The following DZIP1 variants were observed in gnomAD, a reference collection of about 807,000 sequenced individuals.
DZIP1 encodes the protein DAZ interacting zinc finger protein 1.
A neutral mutation model predicts 107.6 loss-of-function variants in DZIP1; 97 were observed. That is an observed-to-expected ratio of 0.90 (90% CI 0.77 to 1.07). DZIP1 has a LOEUF of 1.07. DZIP1 is among the 50% of genes least tolerant of loss of function. The probability of loss-of-function intolerance (pLI) is 0.00; values close to 1 mark genes in which losing one functional copy is unlikely to be tolerated. For synonymous variants in DZIP1, 390 were observed against 386.4 expected, an observed-to-expected ratio of 1.01 and a Z score of -0.11; for missense variants, 1,035 against 1,063.6, an observed-to-expected ratio of 0.97 and a Z score of 0.37.
intron 7 of DZIP1, among the ~76,000 whole-genome samples, chr13:95,626,920 T>C (rs922083090): frequency 9.2e-5 from 14 of 152,220 alleles, no homozygotes; most frequent in African/African-American, 3.1e-4. Context: ...AGATTTAATA[T>C]GGTTAAAATG....
chr13:95,588,754 G>A (rs139344908), intron 19 of DZIP1, among the ~76,000 whole-genome samples: 65 of 152,254 alleles, frequency 4.3e-4, no homozygotes, highest in Non-Finnish European at 8.5e-4. Context: ...ATCTACTAGG[G>A]TCAGTATTAA....
rs1228439062 is a variant in DZIP1 at position 95,589,811 on chromosome 13, A to C, written c.1965T>G (p.Ser655=). 1 of 1,613,540 alleles carries C rather than the reference A, an allele frequency of 6.2e-7. No homozygotes were observed. Among genetic ancestry groups the C allele is most frequent in the African/African-American group, 1.3e-5 (1 of 74,940 alleles). ...AGGGCTGAAATACTCACTTTGGAAC[A>C]GATGTCCTATCAGTAGAAACAGCTT... is the stretch of plus-strand genomic sequence containing the variant. ...RQKAVSTDRT[S]VPKIKKNVME... is the part of the protein sequence containing the mutation. Residue 655 remains serine, a synonymous_variant, in exon 18 of 23, where the codon TCT becomes TCG. Transcript: ENST00000376829.
chr13:95,600,777 G>C (rs889782331), intron 14 of DZIP1, among the ~76,000 whole-genome samples: 1 of 152,124 alleles, frequency 6.6e-6, no homozygotes, highest in Non-Finnish European at 1.5e-5. Flanking sequence ...TACAGCCTAT[G>C]ACTGAGTAAA....
At chr13:95,604,548 G>T (rs998000316) in intron 14 of DZIP1, among the ~76,000 whole-genome samples, 1 of 152,210 alleles carries the variant, frequency 6.6e-6, no homozygotes, top group East Asian at 1.9e-4. Flanking sequence ...GATTCATGCA[G>T]CTCTGGGCTA....
At chr13:95,622,953 C>A (rs768521846) in intron 8 of DZIP1, among the ~76,000 whole-genome samples, 14 of 151,982 alleles carry the variant, frequency 9.2e-5, no homozygotes, top group Non-Finnish European at 1.0e-4. Flanking sequence ...CCATGTTGCC[C>A]AGGCTGGTCT....
At chr13:95,582,674 G>A (rs559168915) in intron 22 of DZIP1, among the ~76,000 whole-genome samples, 1 of 152,324 alleles carries the variant, frequency 6.6e-6, no homozygotes, top group East Asian at 1.9e-4. Context: ...TGAGTGAATA[G>A]ATGGTAAAGA....
Position 95,641,797 on chromosome 13 carries a change from G to A in DZIP1, c.95C>T (p.Ala32Val), listed in dbSNP as rs776252639. The change falls in exon 5 of 23, where the codon GCT becomes GTT. Residue 32 changes from alanine (A) to valine (V), a missense_variant. Transcript: ENST00000376829. This position sits in a 1 kb window ranked among gnomAD's most constrained non-coding sequence, Gnocchi z 4.3. Reference sequence around the variant, plus strand: ...CGCACCCGCGGCGGCGGCGGCCACAGCGACGTCGGGCCCCTCTGGGCCGCT... The same window carrying A: ...CGCACCCGCGGCGGCGGCGGCCACAACGACGTCGGGCCCCTCTGGGCCGCT... ...LASGPEGPDVAVAAAAAGAAS... is the reference protein window; with the variant it reads ...LASGPEGPDVVVAAAAAGAAS... 1.3e-6 allele frequency: 2 copies of A among 1,498,888 alleles called. No homozygotes were observed. Among genetic ancestry groups the A allele is most frequent in the Admixed American group, 4.8e-5 (2 of 41,900 alleles). 92.8% of individuals were successfully genotyped at this position (1,498,888 alleles called of 1,614,324 possible). A position where few individuals can be genotyped will look rare whatever the true frequency, so the allele number is the denominator to read the frequency against.
chr13:95,600,574 G>GAGAT (rs56331221), intron 14 of DZIP1, among the ~76,000 whole-genome samples: 1 of 147,486 alleles, frequency 6.8e-6, no homozygotes, highest in Non-Finnish European at 1.5e-5. Flanking sequence ...AGAGATGATA[G>GAGAT]AGATAGATAG....
intron 7 of DZIP1, 59 bp downstream of exon 7, chr13:95,629,930 C>A (rs1876994121): frequency 2.0e-6 from 3 of 1,510,688 alleles, no homozygotes; most frequent in South Asian, 1.3e-5. Flanking sequence ...GAGTCCATGG[C>A]ATAATTGAAT....
chr13:95,616,469 AC>A (rs1875085468), intron 10 of DZIP1, among the ~76,000 whole-genome samples: 1 of 152,248 alleles, frequency 6.6e-6, no homozygotes, highest in South Asian at 2.1e-4. Context: ...TGCTGGGCAG[AC>A]AATGGAGAGC....
At position 95,641,761 on chromosome 13, in the gene DZIP1, G is replaced by A. The variant is rs1297574650; in HGVS notation, c.131C>T (p.Ala44Val). 3 of 1,567,618 alleles carry A rather than the reference G, an allele frequency of 1.9e-6. No homozygotes were observed. In the African/African-American group the frequency reaches 4.1e-5, roughly 21 times the overall value. The stretch of plus-strand genomic sequence containing the variant: ...CGAAGCCGCGCTGGGGGGCGCACAG[G>A]CCATGGAGGCCGCACCCGCGGCGGC... ...AAAAAGAASMACAPPSAASGP... is the reference protein window; with the variant it reads ...AAAAAGAASMVCAPPSAASGP... Residue 44 changes from alanine (A) to valine (V), a missense_variant, in exon 5 of 23, where the codon GCC becomes GTC. Transcript: ENST00000376829. This position sits in a 1 kb window ranked among gnomAD's most constrained non-coding sequence, Gnocchi z 4.3.
In DZIP1 at chr13:95,582,155, G is replaced by T; in HGVS notation, c.*79C>A. The stretch of plus-strand genomic sequence containing the variant: ...GAAACACGGTAAGGCAGAAGCACTA[G>T]AATCATGGAGGCAAATTACTGAAAC... On this transcript the variant is annotated 3_prime_UTR_variant, in exon 23 of 23. Transcript: ENST00000376829. The T allele has an allele frequency of 2.9e-6, 4 of 1,388,286 alleles. No individual in the cohort carries two copies. The highest frequency in any genetic ancestry group is 1.2e-5 in the South Asian group (1 of 85,636). The allele number at this position is 1,388,286 out of a possible 1,614,324, so 86.0% of individuals were successfully genotyped here.
At chr13:95,607,607 T>G (rs1042566280) in intron 13 of DZIP1, among the ~76,000 whole-genome samples, 2 of 151,992 alleles carry the variant, frequency 1.3e-5, no homozygotes, top group African/African-American at 4.8e-5. Flanking sequence ...ATGGCAGAGG[T>G]GAGTAGTTGC....
chr13:95,620,261 C>T (rs534707238), intron 9 of DZIP1, among the ~76,000 whole-genome samples: 4 of 152,156 alleles, frequency 2.6e-5, no homozygotes, highest in South Asian at 2.1e-4. Context: ...CATCTTAAGA[C>T]GTGCTTGGTT....
At chr13:95,595,965 A>AT (rs1231287973) in intron 15 of DZIP1, among the ~76,000 whole-genome samples, 2 of 152,112 alleles carry the variant, frequency 1.3e-5, no homozygotes, top group Non-Finnish European at 2.9e-5. Flanking sequence ...TGACAGGTTC[A>AT]TTTTGATGAC....
chr13:95,591,064 T>C (rs1195010266), intron 16 of DZIP1, among the ~76,000 whole-genome samples: 1 of 148,088 alleles, frequency 6.8e-6, no homozygotes, highest in Non-Finnish European at 1.5e-5. Context: ...AGTCTCGCCC[T>C]GTTGCCCAGG....
At chr13:95,632,314 C>T (rs977106903) in intron 6 of DZIP1, among the ~76,000 whole-genome samples, 18 of 152,102 alleles carry the variant, frequency 1.2e-4, no homozygotes, top group African/African-American at 4.3e-4. Flanking sequence ...AAACTCTCAG[C>T]CCTCTTCCTC....
Position 95,638,755 on chromosome 13 carries a change from A to AT in DZIP1, c.597+2539dup, listed in dbSNP as rs200363756. 2.6e-4 allele frequency among the ~76,000 whole-genome samples: 39 copies of AT among 151,458 alleles called. No homozygotes were observed. In the East Asian group the frequency reaches 6.2e-3, roughly 24 times the overall value. ...AAGCCTTCAAGAACAGGCATCTTTA[A>AT]TTTTTTTTTGTCTCAGCTACTCAGT... is the stretch of plus-strand genomic sequence containing the variant. On this transcript the variant is annotated intron_variant, in intron 5 of 22. Coordinates refer to ENST00000376829, the MANE Select transcript of DZIP1 (RefSeq NM_198968.4).
At chr13:95,589,984 G>A in intron 17 of DZIP1, 52 bp from the exon 18 acceptor site, 1 of 1,593,164 alleles carries the variant, frequency 6.3e-7, no homozygotes, top group Non-Finnish European at 8.5e-7. Context: ...ATCAGTAAGT[G>A]AAAAGCAAAG....
Sources: gnomAD v4.1 joint callset for allele counts (sites outside exome capture counted in the v4.1 genomes callset) on GRCh38, gnomAD v4.1.1 for gene constraint, Gnocchi (gnomAD v3.1) non-coding constraint, MANE v1.5 for transcripts, NCBI Gene and HGNC (gene_info 2026-07-23, HGNC 2026-07-21) for gene names.